Variants in CNTNAP5 observed in about 807,000 individuals in gnomAD.
CNTNAP5 encodes contactin associated protein family member 5, also known as contactin-associated protein-like 5.
In CNTNAP5, 72 loss-of-function variants were observed where a neutral mutation model predicts 150.2. The observed-to-expected ratio is 0.48, with a 90% CI of 0.40 to 0.58. The LOEUF (loss-of-function observed/expected upper bound fraction) is 0.58, where lower values mean the gene tolerates loss of function less well. CNTNAP5 is among the 20% of genes least tolerant of loss of function. The pLI is 0.00. For synonymous variants in CNTNAP5, 672 were observed against 619.8 expected, an observed-to-expected ratio of 1.08 and a Z score of -1.25; for missense variants, 1,636 against 1,626.2, an observed-to-expected ratio of 1.01 and a Z score of -0.10.
intron 13 of CNTNAP5, among the ~76,000 whole-genome samples, chr2:124,735,889 A>G (rs184035028): frequency 6.6e-6 from 1 of 152,278 alleles, no homozygotes; most frequent in Admixed American, 6.5e-5. Flanking sequence ...CGGATATCCA[A>G]CTTTCCTCAC....
intron 6 of CNTNAP5, among the ~76,000 whole-genome samples, chr2:124,449,925 T>C (rs1003154928): frequency 2.0e-5 from 3 of 152,124 alleles, no homozygotes; most frequent in Non-Finnish European, 4.4e-5. Flanking sequence ...CCCTGTGTTC[T>C]ACTCACCACA....
intron 19 of CNTNAP5, among the ~76,000 whole-genome samples, chr2:124,805,579 A>G (rs1053722271): frequency 6.6e-6 from 1 of 152,212 alleles, no homozygotes; most frequent in Non-Finnish European, 1.5e-5. Flanking sequence ...CTCAGAAAAG[A>G]GCTAGTATGG....
At chr2:124,336,166 G>T (rs1314733200) in intron 3 of CNTNAP5, among the ~76,000 whole-genome samples, 1 of 152,120 alleles carries the variant, frequency 6.6e-6, no homozygotes, top group Admixed American at 6.6e-5. Context: ...TGGGACCATA[G>T]TACAGATAAT....
chr2:124,470,332 CT>C (rs767808927), intron 6 of CNTNAP5, among the ~76,000 whole-genome samples: 10 of 152,210 alleles, frequency 6.6e-5, no homozygotes, highest in South Asian at 6.2e-4. Flanking sequence ...TGATATTGAA[CT>C]TTTTTTCATA....
intron 21 of CNTNAP5, among the ~76,000 whole-genome samples, chr2:124,873,211 G>A (rs1677788659): frequency 6.6e-6 from 1 of 151,988 alleles, no homozygotes; most frequent in Non-Finnish European, 1.5e-5. Flanking sequence ...AGAGCGAGGA[G>A]GAAGGTGCCA....
rs1294320812 is a variant in CNTNAP5 at position 124,423,589 on chromosome 2, G to A, written c.529+5999G>A. Among the ~76,000 whole-genome samples the A allele has an allele frequency of 6.3e-5, 9 of 142,420 alleles. No individual in the cohort carries two copies. The South Asian group carries it at 6.8e-4, about 11-fold the overall frequency. The allele number at this position is 142,420 out of a possible 152,430, so 93.4% of individuals were successfully genotyped here. A position where few individuals can be genotyped will look rare whatever the true frequency, so the allele number is the denominator to read the frequency against. ...TCTCGATCTCCTGACCTCGTGATCC[G>A]CCCGCCTCAGCCTGCCAAAGTGCTG... is the stretch of plus-strand genomic sequence containing the variant. On this transcript the variant is annotated intron_variant, in intron 4 of 23. Coordinates refer to ENST00000682447, the MANE Select transcript of CNTNAP5 (RefSeq NM_001367498.1).
intron 13 of CNTNAP5, among the ~76,000 whole-genome samples, chr2:124,726,632 C>T (rs1048379367): frequency 1.3e-4 from 19 of 147,174 alleles, no homozygotes; most frequent in African/African-American, 3.0e-4. Context: ...GCCATTTGTA[C>T]GTCTTCTTCA....
chr2:124,451,029 T>TAAAAAA (rs1156744323), intron 6 of CNTNAP5, among the ~76,000 whole-genome samples: 296 of 20,014 alleles, frequency 0.015, 22 homozygotes, highest in East Asian at 0.024. Flanking sequence ...CCATGTCTCT[T>TAAAAAA]AAAAAAAAAA....
chr2:124,443,574 A>C (rs1209907888), intron 5 of CNTNAP5, among the ~76,000 whole-genome samples: 4 of 152,092 alleles, frequency 2.6e-5, no homozygotes, highest in Non-Finnish European at 5.9e-5. Flanking sequence ...AGATGGAGGA[A>C]GTGAGGAAGG....
Position 124,776,857 on chromosome 2 carries a change from T to A in CNTNAP5, c.2752+3840T>A, listed in dbSNP as rs182479178. 1.0e-3 allele frequency among the ~76,000 whole-genome samples: 152 copies of A among 152,356 alleles called. 1 individual carries two copies. Among genetic ancestry groups the A allele is most frequent in the African/African-American group, 3.4e-3 (140 of 41,594 alleles). The stretch of plus-strand genomic sequence containing the variant: ...AACAAAAAGTGAAGAAATAATTGTT[T>A]TTTTAACATTATATAAATCTCTGAT... On this transcript the variant is annotated intron_variant, in intron 17 of 23. Coordinates refer to ENST00000682447, the MANE Select transcript of CNTNAP5 (RefSeq NM_001367498.1).
At chr2:124,191,675 G>T (rs988531934) in intron 1 of CNTNAP5, among the ~76,000 whole-genome samples, 2 of 152,084 alleles carry the variant, frequency 1.3e-5, no homozygotes, top group Non-Finnish European at 1.5e-5. Flanking sequence ...CAGTACTTTG[G>T]GAGGCCCAGG....
chr2:124,106,382 G>C (rs1464522100), intron 1 of CNTNAP5, among the ~76,000 whole-genome samples: 1 of 152,176 alleles, frequency 6.6e-6, no homozygotes, highest in Non-Finnish European at 1.5e-5. Context: ...GGCATGGTTG[G>C]AATTATAGCA....
At chr2:124,397,123 A>ATTTC (rs1468734487) in intron 3 of CNTNAP5, among the ~76,000 whole-genome samples, 1 of 152,194 alleles carries the variant, frequency 6.6e-6, no homozygotes, top group Admixed American at 6.5e-5. Flanking sequence ...AGGCCAGAGA[A>ATTTC]TTTCTTTGAC....
intron 10 of CNTNAP5, among the ~76,000 whole-genome samples, chr2:124,561,213 T>G (rs988143551): frequency 2.0e-5 from 3 of 152,140 alleles, no homozygotes; most frequent in East Asian, 1.9e-4. Flanking sequence ...CAAGGTAAAC[T>G]GCAGAAGAAG....
At chr2:124,411,889 C>T in intron 3 of CNTNAP5, among the ~76,000 whole-genome samples, 1 of 58,606 alleles carries the variant, frequency 1.7e-5, no homozygotes. Flanking sequence ...GGCAATTAGG[C>T]AGGAGAAGGA....
chr2:124,549,362 C>T (rs1419213625), intron 10 of CNTNAP5, among the ~76,000 whole-genome samples: 5 of 152,150 alleles, frequency 3.3e-5, no homozygotes, highest in South Asian at 2.1e-4. Flanking sequence ...TTGGCTTGCA[C>T]TATATGAGTA....
intron 3 of CNTNAP5, among the ~76,000 whole-genome samples, chr2:124,361,735 G>A (rs958620989): frequency 4.5e-4 from 69 of 151,688 alleles, no homozygotes; most frequent in South Asian, 1.0e-3. Flanking sequence ...GGACATTTAA[G>A]TCTGCAGAGG....
At chr2:124,499,396 A>G (rs1694224813) in intron 7 of CNTNAP5, among the ~76,000 whole-genome samples, 1 of 152,186 alleles carries the variant, frequency 6.6e-6, no homozygotes, top group South Asian at 2.1e-4. Flanking sequence ...GGATGTCAGG[A>G]AAGGTCTGGG....
At chr2:124,855,256 C>T (rs1677344018) in intron 19 of CNTNAP5, among the ~76,000 whole-genome samples, 1 of 139,474 alleles carries the variant, frequency 7.2e-6, no homozygotes, top group Admixed American at 8.0e-5. Context: ...TGGCTCACTG[C>T]AACCTCCACC....
Sources: gnomAD v4.1 joint callset for allele counts (sites outside exome capture counted in the v4.1 genomes callset) on GRCh38, gnomAD v4.1.1 for gene constraint, MANE v1.5 for transcripts, NCBI Gene and HGNC (gene_info 2026-07-23, HGNC 2026-07-21) for gene names.